Variants in C6 observed in about 807,000 individuals in gnomAD.
C6 encodes the protein complement component C6.
C6 carries 101 observed loss-of-function variants against 112.9 expected under a neutral mutation model. That is an observed-to-expected ratio of 0.89 (90% CI 0.76 to 1.06). The LOEUF (loss-of-function observed/expected upper bound fraction) is 1.06. C6 is among the 50% of genes least tolerant of loss of function. The pLI, the probability that C6 is intolerant of heterozygous loss-of-function variation, is 0.00. For missense variants in C6, 1,202 were observed against 1,104.6 expected (o/e 1.09, Z -1.25); for synonymous variants, 431 against 384.1 (o/e 1.12, Z -1.43).
intron 17 of C6, among the ~76,000 whole-genome samples, chr5:41,147,098 T>G (rs1446495802): frequency 1.3e-5 from 2 of 152,154 alleles, no homozygotes; most frequent in Non-Finnish European, 2.9e-5. Flanking sequence ...TCTCTATGTA[T>G]TTTTGACAAT....
intron 1 of C6, among the ~76,000 whole-genome samples, chr5:41,209,439 T>A (rs1308818404): frequency 6.6e-6 from 1 of 152,204 alleles, no homozygotes; most frequent in Non-Finnish European, 1.5e-5. Flanking sequence ...TTGTCCCTGT[T>A]TGCAGATGAC....
At chr5:41,256,057 C>A (rs371731021) in intron 1 of C6, among the ~76,000 whole-genome samples, 1 of 152,038 alleles carries the variant, frequency 6.6e-6, no homozygotes. Context: ...TAGATTCTTG[C>A]GATAGTTTAC....
At chr5:41,199,995 C>CTGTTGTGATTGAGG in intron 3 of C6, 83 bp from the exon 4 acceptor site, 3 of 1,248,424 alleles carry the variant, frequency 2.4e-6, no homozygotes, top group Non-Finnish European at 3.5e-6. Flanking sequence ...TCCTCAATCA[C>CTGTTGTGATTGAGG]AACAGTGATT....
intron 17 of C6, 99 bp from the exon 18 acceptor site, chr5:41,143,105 T>C: frequency 9.4e-7 from 1 of 1,063,264 alleles, no homozygotes; most frequent in Non-Finnish European, 1.4e-6. Context: ...TTGATGGTGT[T>C]AAATTAAGTT....
At chr5:41,214,132 G>T (rs1016068629), upstream of C6, among the ~76,000 whole-genome samples, 3 of 151,686 alleles carry the variant, frequency 2.0e-5, no homozygotes, top group South Asian at 2.1e-4. Context: ...CAATAGAAAA[G>T]AAAAAAAACT....
intron 6 of C6, among the ~76,000 whole-genome samples, chr5:41,182,251 A>T (rs181071466): frequency 1.3e-5 from 2 of 149,704 alleles, no homozygotes; most frequent in East Asian, 3.9e-4. Flanking sequence ...GCAATATGTC[A>T]CTTCCCCCCG....
intron 6 of C6, 60 bp downstream of exon 6, chr5:41,186,010 A>G (rs1749735632): frequency 6.3e-7 from 1 of 1,599,110 alleles, no homozygotes; most frequent in Admixed American, 1.7e-5. Context: ...ATTTTGCATG[A>G]GAAATTTAGC....
chr5:41,250,254 A>G lies in C6; in HGVS notation c.-21+10940T>C, dbSNP rs576554476. Among the ~76,000 whole-genome samples, 6 of 152,308 alleles carry G rather than the reference A, an allele frequency of 3.9e-5. No individual in the cohort carries two copies. In the East Asian group the frequency reaches 1.2e-3, roughly 29 times the overall value. On this transcript the variant is annotated intron_variant, in intron 1 of 17. Coordinates refer to the C6 transcript ENST00000263413. ...GAAACTTGAAGTTATGTTACCCAATAGTGGCACCAAACTCTGCGGAATTTG... is the reference window on the plus strand; with the variant it reads ...GAAACTTGAAGTTATGTTACCCAATGGTGGCACCAAACTCTGCGGAATTTG...
In C6 at chr5:41,149,975, C is replaced by A; in HGVS notation, c.2341G>T (p.Gly781Ter). Residue 781 changes from glycine to a stop codon, truncating the protein, a stop_gained, in exon 16 of 18, where the codon GGA becomes TGA. Coordinates refer to ENST00000337836, the MANE Select transcript of C6 (RefSeq NM_000065.5). LOFTEE classifies it high-confidence loss of function. ...GGAGACATACAAATGCATTCAGATC[C>A]TGATTGTTTCTGTCCCAGCTGACAA... ...GHCQLGQKQS[G>*]SECICMSPEE... 1 of 1,613,166 alleles carries A rather than the reference C, an allele frequency of 6.2e-7. No homozygotes were observed.
intron 1 of C6, among the ~76,000 whole-genome samples, chr5:41,240,769 C>T (rs185373979): frequency 6.0e-4 from 92 of 152,154 alleles, no homozygotes; most frequent in Non-Finnish European, 1.0e-3. Context: ...CCAGAGTGAC[C>T]GATGGGGTGG....
At chr5:41,254,363 A>T (rs1413052306) in intron 1 of C6, among the ~76,000 whole-genome samples, 4 of 152,142 alleles carry the variant, frequency 2.6e-5, no homozygotes, top group African/African-American at 9.7e-5. Flanking sequence ...CCGAGACTGC[A>T]CCACTGTACT....
intron 1 of C6, among the ~76,000 whole-genome samples, chr5:41,229,195 G>A (rs913450482): frequency 4.0e-5 from 6 of 151,822 alleles, no homozygotes; most frequent in African/African-American, 1.5e-4. Flanking sequence ...TTTCTCCTCT[G>A]ATATTTGTTA....
intron 15 of C6, among the ~76,000 whole-genome samples, chr5:41,152,031 T>A (rs1366892758): frequency 1.5e-4 from 21 of 142,684 alleles, no homozygotes; most frequent in Non-Finnish European, 1.2e-4. Flanking sequence ...AAAGGAAGGA[T>A]GGAAGGAAGA....
chr5:41,173,728 C>T (rs72753979), intron 8 of C6, among the ~76,000 whole-genome samples: 2,723 of 151,648 alleles, frequency 0.018, 38 homozygotes, highest in Non-Finnish European at 0.028. Context: ...AGGCATAGAT[C>T]GCTGAGAAAT....
In C6 at chr5:41,203,217, G is replaced by A; in HGVS notation, c.14C>T (p.Ser5Phe). 6.2e-7 allele frequency: 1 copy of A among 1,614,134 alleles called. No homozygotes were observed. The highest frequency in any genetic ancestry group is 8.5e-7 in the Non-Finnish European group (1 of 1,179,972). MARRSVLYFILLNAL... is the reference protein window; with the variant it reads MARRFVLYFILLNAL... ...ATTCAGCAGGATGAAGTACAAGACA[G>A]AGCGTCTGGCCATGCCTTGAGAGCC... The change falls in exon 2 of 18, where the codon TCT (serine) becomes TTT (phenylalanine). Residue 5 changes from serine to phenylalanine, a missense_variant. Transcript: ENST00000337836.
Position 41,142,988 on chromosome 5 carries a change from A to G in C6, c.2642T>C (p.Val881Ala). ...EKCSASTSKC[V>A]CLLPPQCFKG... is the part of the protein sequence containing the mutation. ...GAAGCACTGTGGGGGCAATAGGCAGACACATTTGGAAGTGGAGGCTGTAAT... is the reference window on the plus strand; with the variant it reads ...GAAGCACTGTGGGGGCAATAGGCAGGCACATTTGGAAGTGGAGGCTGTAAT... Residue 881 changes from valine (V) to alanine (A), a missense_variant, in exon 18 of 18, where the codon GTC becomes GCC. By Grantham distance (64) the Val-to-Ala change is moderately conservative (BLOSUM62 0). Coordinates refer to ENST00000337836, the MANE Select transcript of C6 (RefSeq NM_000065.5). 1.2e-6 allele frequency: 2 copies of G among 1,613,394 alleles called. No individual in the cohort carries two copies. Among genetic ancestry groups the G allele is most frequent in the Non-Finnish European group, 1.7e-6 (2 of 1,179,586 alleles).
chr5:41,221,945 A>T lies in C6; in HGVS notation c.-20-18695T>A, dbSNP rs576028063. ...TTTGGGAGGCCAAGGCAGGTGGATC[A>T]CCTCAGGTCAGGAGTTTGAGACCAG... is the stretch of plus-strand genomic sequence containing the variant. On this transcript the variant is annotated intron_variant, in intron 1 of 17. Coordinates refer to the C6 transcript ENST00000263413. 3.2e-4 allele frequency among the ~76,000 whole-genome samples: 48 copies of T among 152,234 alleles called. 1 individual carries two copies. The South Asian group carries it at 3.5e-3, about 11-fold the overall frequency.
At chr5:41,259,982 C>T (rs980675730) in intron 1 of C6, among the ~76,000 whole-genome samples, 1 of 152,164 alleles carries the variant, frequency 6.6e-6, no homozygotes, top group Non-Finnish European at 1.5e-5. Context: ...CTGTAGAGAA[C>T]AAACCACTCT....
At chr5:41,231,322 T>A (rs989267138) in intron 1 of C6, among the ~76,000 whole-genome samples, 3 of 152,126 alleles carry the variant, frequency 2.0e-5, no homozygotes, top group African/African-American at 7.2e-5. Flanking sequence ...TTTTTTATGG[T>A]GACATGTTTC....
Sources: gnomAD v4.1 joint callset for allele counts (sites outside exome capture counted in the v4.1 genomes callset) on GRCh38, gnomAD v4.1.1 for gene constraint, MANE v1.5 for transcripts, NCBI Gene and HGNC (gene_info 2026-07-23, HGNC 2026-07-21) for gene names.